TYW1: variants seen among roughly 807,000 people sequenced by gnomAD.
TYW1 encodes tRNA-yW synthesizing protein 1 homolog, also known as S-adenosyl-L-methionine-dependent tRNA 4-demethylwyosine synthase TYW1.
In TYW1, 46 loss-of-function variants were observed where a neutral mutation model predicts 96.2. The observed-to-expected ratio is 0.48, with a 90% CI of 0.38 to 0.61. TYW1 has a LOEUF of 0.61. Among genes scored for constraint, TYW1 ranks in the 20% least tolerant of loss-of-function variants. TYW1 has a pLI of 0.00. For synonymous variants in TYW1, 274 were observed against 323.0 expected (o/e 0.85, Z 1.63); for missense variants, 684 against 909.6 (o/e 0.75, Z 3.19).
At chr7:67,098,177 TAGAAG>T (rs1376253561) in intron 11 of TYW1, among the ~76,000 whole-genome samples, 1 of 152,220 alleles carries the variant, frequency 6.6e-6, no homozygotes, top group Admixed American at 6.5e-5. Context: ...ATGATTGGTC[TAGAAG>T]AAGCTTGTTC....
At chr7:67,186,265 T>TCCCCCC (rs56401730) in intron 14 of TYW1, among the ~76,000 whole-genome samples, 55 of 68,326 alleles carry the variant, frequency 8.0e-4, no homozygotes, top group East Asian at 6.3e-3. Context: ...CTTCCTTTCT[T>TCCCCCC]CCCCCCCGCC....
intron 12 of TYW1, among the ~76,000 whole-genome samples, chr7:67,110,284 C>A (rs1001153124): frequency 1.3e-5 from 2 of 152,170 alleles, no homozygotes; most frequent in African/African-American, 4.8e-5. Flanking sequence ...CCCACTCACA[C>A]GATCAGGGCT....
intron 11 of TYW1, among the ~76,000 whole-genome samples, chr7:67,086,928 T>C (rs1248445973): frequency 6.6e-6 from 1 of 152,166 alleles, no homozygotes; most frequent in Non-Finnish European, 1.5e-5. Flanking sequence ...TTTGAGTTAG[T>C]GCTTAAGGAG....
chr7:67,000,912 C>T (rs2129236338), intron 3 of TYW1, among the ~76,000 whole-genome samples: 1 of 152,086 alleles, frequency 6.6e-6, no homozygotes, highest in Admixed American at 6.6e-5. Context: ...TACTTGAGTG[C>T]AGATACTTTG....
intron 15 of TYW1, among the ~76,000 whole-genome samples, chr7:67,219,091 G>T (rs1801297581): frequency 1.3e-5 from 2 of 152,210 alleles, no homozygotes; most frequent in South Asian, 4.2e-4. Flanking sequence ...TTCCTTCTTT[G>T]TCGAGTGTTT....
intron 7 of TYW1, among the ~76,000 whole-genome samples, chr7:67,036,000 G>C (rs367640280): frequency 6.7e-6 from 1 of 149,884 alleles, no homozygotes; most frequent in South Asian, 2.1e-4. Flanking sequence ...TTAAGTCCAA[G>C]GCTCCCATTG....
chr7:67,189,323 TGTG>T (rs1171515085), intron 14 of TYW1, among the ~76,000 whole-genome samples: 5 of 85,608 alleles, frequency 5.8e-5, no homozygotes, highest in Admixed American at 5.7e-4. Flanking sequence ...GCATCTGTGT[TGTG>T]TGTGTGCATG....
chr7:67,001,386 ATTTATT>A (rs1448488464), intron 3 of TYW1, among the ~76,000 whole-genome samples: 1 of 151,090 alleles, frequency 6.6e-6, no homozygotes, highest in Non-Finnish European at 1.5e-5. Context: ...CGCCATCTGA[ATTTATT>A]TTTATTTATT....
chr7:67,159,459 A>C lies in TYW1; in HGVS notation c.1699-23667A>C, dbSNP rs543813481. Among the ~76,000 whole-genome samples the C allele has an allele frequency of 3.3e-5, 5 of 152,334 alleles. No individual in the cohort carries two copies. In the South Asian group the frequency reaches 1.0e-3, roughly 32 times the overall value. ...CAGATGTTAATATTTCATCATTATC[A>C]GCTTTATAAACAATAACATATATGT... On this transcript the variant is annotated intron_variant, in intron 13 of 15. Coordinates refer to ENST00000359626, the MANE Select transcript of TYW1 (RefSeq NM_018264.4).
intron 1 of TYW1, 101 bp downstream of exon 1, chr7:66,997,083 C>T: frequency 1.9e-6 from 3 of 1,583,708 alleles, no homozygotes; most frequent in South Asian, 1.1e-5. Flanking sequence ...CCCTTTCCTT[C>T]GGAGACTGTT....
intron 11 of TYW1, among the ~76,000 whole-genome samples, chr7:67,088,112 G>C (rs1271584715): frequency 6.6e-6 from 1 of 152,236 alleles, no homozygotes; most frequent in African/African-American, 2.4e-5. Context: ...TGATCCTTCT[G>C]CCTGGGCCTC....
intron 10 of TYW1, among the ~76,000 whole-genome samples, chr7:67,074,502 T>C (rs1227149926): frequency 3.1e-4 from 47 of 152,176 alleles, no homozygotes; most frequent in Admixed American, 3.1e-3. Flanking sequence ...CATTAACACA[T>C]TCCTTAATGA....
At chr7:67,120,567 A>G (rs1249435221) in intron 13 of TYW1, among the ~76,000 whole-genome samples, 1 of 152,158 alleles carries the variant, frequency 6.6e-6, no homozygotes, top group Non-Finnish European at 1.5e-5. Flanking sequence ...AAAAGGCCTT[A>G]CTTTAGTTTC....
At chr7:67,194,451 C>A (rs899503773) in intron 14 of TYW1, among the ~76,000 whole-genome samples, 4 of 151,738 alleles carry the variant, frequency 2.6e-5, no homozygotes, top group Non-Finnish European at 5.9e-5. Context: ...ATGGCGAAAC[C>A]CCATCTCTAC....
At chr7:67,089,405 TA>T in intron 11 of TYW1, 1 of 1,261,014 alleles carries the variant, frequency 7.9e-7, no homozygotes, top group Non-Finnish European at 1.2e-6. Flanking sequence ...GGCCTGCTGG[TA>T]AAGGTCGAAG....
At chr7:67,104,488 A>G (rs1797181102) in intron 12 of TYW1, among the ~76,000 whole-genome samples, 1 of 152,188 alleles carries the variant, frequency 6.6e-6, no homozygotes, top group Admixed American at 6.5e-5. Context: ...CGTCCCCATC[A>G]CCCAGCCATC....
intron 13 of TYW1, among the ~76,000 whole-genome samples, chr7:67,155,441 T>C (rs1431789427): frequency 6.6e-6 from 1 of 152,096 alleles, no homozygotes; most frequent in Non-Finnish European, 1.5e-5. Context: ...CCACCGTGAG[T>C]GTATGCCTCC....
At chr7:67,019,988 G>GCA (rs1794186362) in intron 6 of TYW1, among the ~76,000 whole-genome samples, 1 of 152,286 alleles carries the variant, frequency 6.6e-6, no homozygotes, top group African/African-American at 2.4e-5. Flanking sequence ...TGATATGACA[G>GCA]ATGTTTCATT....
intron 13 of TYW1, among the ~76,000 whole-genome samples, chr7:67,129,939 G>C (rs1798013073): frequency 6.6e-6 from 1 of 152,016 alleles, no homozygotes; most frequent in South Asian, 2.1e-4. Context: ...ACCATTTATT[G>C]ATGAACCATC....
Sources: allele counts gnomAD v4.1 joint callset (sites outside exome capture counted in the v4.1 genomes callset), GRCh38; gene constraint gnomAD v4.1.1; transcripts MANE v1.5; gene names NCBI Gene and HGNC (gene_info 2026-07-23, HGNC 2026-07-21).